Variants in TSHR observed in about 807,000 individuals in gnomAD.
The protein encoded by TSHR is thyrotropin receptor.
TSHR carries 51 observed loss-of-function variants against 64.1 expected under a neutral mutation model. That is an observed-to-expected ratio of 0.80 (90% CI 0.64 to 1.01). TSHR has a LOEUF of 1.01. Ranked by LOEUF, TSHR falls within the 50% of genes least tolerant of loss-of-function variation. The probability of loss-of-function intolerance (pLI) is 0.00; values close to 1 mark genes in which losing one functional copy is unlikely to be tolerated. For synonymous variants in TSHR, 361 were observed against 361.9 expected (o/e 1.00, Z 0.03); for missense variants, 877 against 942.8 (o/e 0.93, Z 0.91).
intron 7 of TSHR, among the ~76,000 whole-genome samples, chr14:81,098,030 T>C (rs10141777): frequency 0.26 from 39,043 of 152,176 alleles, 7,496 homozygotes; most frequent in African/African-American, 0.54. Context: ...AACTTTATGA[T>C]ACTAACTTCT....
At chr14:80,979,111 G>A (rs541212274) in intron 1 of TSHR, among the ~76,000 whole-genome samples, 2 of 152,270 alleles carry the variant, frequency 1.3e-5, no homozygotes, top group South Asian at 2.1e-4. Flanking sequence ...TGGATCCATC[G>A]GTTACCCGGA....
At chr14:81,078,260 A>C (rs1243408694) in intron 3 of TSHR, among the ~76,000 whole-genome samples, 1 of 152,148 alleles carries the variant, frequency 6.6e-6, no homozygotes, top group Non-Finnish European at 1.5e-5. Context: ...AATATATTTT[A>C]CCTTAATATT....
chr14:81,027,136 A>G (rs2139813705), intron 1 of TSHR, among the ~76,000 whole-genome samples: 1 of 152,266 alleles, frequency 6.6e-6, no homozygotes, highest in South Asian at 2.1e-4. Context: ...AAGTGGAGCA[A>G]AATGAAATAG....
At chr14:81,115,769 G>T (rs1293330923) in intron 8 of TSHR, among the ~76,000 whole-genome samples, 1 of 151,964 alleles carries the variant, frequency 6.6e-6, no homozygotes, top group Non-Finnish European at 1.5e-5. Context: ...AATGTGAAGG[G>T]CAGCCAGAGA....
chr14:81,002,765 A>G, intron 1 of TSHR, among the ~76,000 whole-genome samples: 1 of 126,874 alleles, frequency 7.9e-6, no homozygotes, highest in Non-Finnish European at 1.6e-5. Flanking sequence ...TTCTCTCATT[A>G]AGGTCCCTAA....
chr14:80,978,230 T>C (rs1291444624), intron 1 of TSHR, among the ~76,000 whole-genome samples: 1 of 152,092 alleles, frequency 6.6e-6, no homozygotes, highest in Non-Finnish European at 1.5e-5. Context: ...TTTTTAGTAA[T>C]TGGGCTGCCA....
At chr14:81,007,155 A>G (rs920556453) in intron 1 of TSHR, among the ~76,000 whole-genome samples, 3 of 152,176 alleles carry the variant, frequency 2.0e-5, no homozygotes, top group Non-Finnish European at 4.4e-5. Context: ...TTTGGAGGGA[A>G]TTAGATTTAT....
chr14:81,059,578 A>G (rs1886079725), intron 1 of TSHR, among the ~76,000 whole-genome samples: 1 of 152,186 alleles, frequency 6.6e-6, no homozygotes, highest in Non-Finnish European at 1.5e-5. Flanking sequence ...GCGTGTTATC[A>G]TGATATTAAC....
At chr14:81,119,141 C>G (rs1355564077) in intron 8 of TSHR, among the ~76,000 whole-genome samples, 2 of 139,242 alleles carry the variant, frequency 1.4e-5, no homozygotes, top group African/African-American at 2.8e-5. Context: ...GTCTAAAACA[C>G]CAAAAGCAAT....
chr14:81,070,861 T>C (rs1216901745), intron 3 of TSHR, among the ~76,000 whole-genome samples: 2 of 152,062 alleles, frequency 1.3e-5, no homozygotes, highest in African/African-American at 4.8e-5. Context: ...TTATTACCAT[T>C]AGGCTCATAT....
rs570041258 is a variant in TSHR, at chr14:81,143,504, C to T, written c.1446C>T (p.Tyr482=). The T allele has an allele frequency of 6.2e-7, 1 of 1,613,958 alleles. No individual in the cohort carries two copies. The highest frequency in any genetic ancestry group is 1.1e-5 in the South Asian group (1 of 91,084). Reference sequence around the variant, plus strand: ...ACCTCTACACTCACTCTGAGTACTACAACCATGCCATCGACTGGCAGACAG... The same window carrying T: ...ACCTCTACACTCACTCTGAGTACTATAACCATGCCATCGACTGGCAGACAG... ...SVDLYTHSEY[Y]NHAIDWQTGP... is the part of the protein sequence containing the mutation. Residue 482 remains tyrosine (Y), a synonymous_variant, in exon 10 of 10, where the codon TAC becomes TAT. Transcript: ENST00000298171.
At chr14:81,068,552 C>A in intron 3 of TSHR, 1 of 518,154 alleles carries the variant, frequency 1.9e-6, no homozygotes, top group Non-Finnish European at 3.5e-6. Context: ...AAGTTCTGTT[C>A]TTGAACCACT....
chr14:81,132,910 C>G (rs532738854), intron 8 of TSHR, among the ~76,000 whole-genome samples: 2 of 151,942 alleles, frequency 1.3e-5, no homozygotes, highest in South Asian at 2.1e-4. Flanking sequence ...AAGGTACACA[C>G]TATTTAAAAA....
intron 1 of TSHR, among the ~76,000 whole-genome samples, chr14:80,963,010 C>T (rs1002363645): frequency 4.6e-5 from 7 of 152,150 alleles, no homozygotes; most frequent in Non-Finnish European, 1.0e-4. Flanking sequence ...TACAAGTAAA[C>T]TTATTAAAAC....
rs1276734165 is a variant in TSHR, at chr14:80,955,816, C to G, written c.136C>G (p.Arg46Gly). The stretch of plus-strand genomic sequence containing the variant: ...CAGAGTCACCTGCAAGGATATTCAA[C>G]GCATCCCCAGCTTACCGCCCAGTAC... ...DFRVTCKDIQ[R>G]IPSLPPSTQT... The change falls in exon 1 of 10, where the codon CGC becomes GGC. Residue 46 changes from arginine (R) to glycine (G), a missense_variant. Transcript: ENST00000298171. 6.2e-7 allele frequency: 1 copy of G among 1,614,224 alleles called. No homozygotes were observed. Among genetic ancestry groups the G allele is most frequent in the Non-Finnish European group, 8.5e-7 (1 of 1,180,042 alleles).
At chr14:81,068,137 T>G in intron 2 of TSHR, 117 bp from the exon 3 acceptor site, 1 of 913,434 alleles carries the variant, frequency 1.1e-6, no homozygotes, top group Admixed American at 1.9e-5. Flanking sequence ...TCCATGAGGG[T>G]TGTACATGTT....
At chr14:81,072,069 G>C (rs1225088703) in intron 3 of TSHR, among the ~76,000 whole-genome samples, 1 of 152,214 alleles carries the variant, frequency 6.6e-6, no homozygotes, top group Admixed American at 6.5e-5. Context: ...TTTGAAGAGT[G>C]ATGTAGTTGG....
At chr14:81,036,889 T>A (rs954183090) in intron 1 of TSHR, among the ~76,000 whole-genome samples, 2 of 152,142 alleles carry the variant, frequency 1.3e-5, no homozygotes, top group African/African-American at 4.8e-5. Flanking sequence ...ATGCCTGTAA[T>A]CCCAACACTT....
intron 1 of TSHR, among the ~76,000 whole-genome samples, chr14:80,960,926 C>T (rs1886989310): frequency 6.6e-6 from 1 of 152,236 alleles, no homozygotes; most frequent in Non-Finnish European, 1.5e-5. Flanking sequence ...GCCAGACTGT[C>T]TATGTGCTGC....
Sources: allele counts gnomAD v4.1 joint callset (sites outside exome capture counted in the v4.1 genomes callset), GRCh38; gene constraint gnomAD v4.1.1; transcripts MANE v1.5; gene names NCBI Gene and HGNC (gene_info 2026-07-23, HGNC 2026-07-21).